MTCL1: variants seen among roughly 807,000 people sequenced by gnomAD.
MTCL1 encodes microtubule cross-linking factor 1.
A neutral mutation model predicts 141.4 loss-of-function variants in MTCL1; 79 were observed. The observed-to-expected ratio is 0.56, with a 90% CI of 0.47 to 0.67. The LOEUF (loss-of-function observed/expected upper bound fraction) is 0.67. Ranked by LOEUF, MTCL1 falls within the 30% of genes least tolerant of loss-of-function variation. The pLI is 0.00. For synonymous variants in MTCL1, 914 were observed against 875.8 expected, an observed-to-expected ratio of 1.04 and a Z score of -0.77; for missense variants, 2,177 against 2,113.9, an observed-to-expected ratio of 1.03 and a Z score of -0.59.
exon 6 of MTCL1, chr18:8,784,723 G>T (rs748440153): frequency 1.2e-4 from 194 of 1,614,086 alleles, no homozygotes; most frequent in Non-Finnish European, 1.6e-4. Flanking sequence ...ACCGCATTGG[G>T]GATGGCCTAT....
intron 1 of MTCL1, among the ~76,000 whole-genome samples, chr18:8,709,558 G>C (rs2096075609): frequency 6.6e-6 from 1 of 152,148 alleles, no homozygotes; most frequent in African/African-American, 2.4e-5. Context: ...AGGGAGCACT[G>C]CACAGAACTA....
At chr18:8,796,563 T>C in intron 9 of MTCL1, 101 bp downstream of exon 8, 1 of 1,166,700 alleles carries the variant, frequency 8.6e-7, no homozygotes, top group South Asian at 1.5e-5. Flanking sequence ...TGTTCTATTA[T>C]TTTATTTCTC....
chr18:8,832,637 C>T (rs535861339), exon 17 of MTCL1: 1 of 152,296 alleles, frequency 6.6e-6, no homozygotes, highest in South Asian at 2.1e-4. Flanking sequence ...GATTAACTGG[C>T]AATGTACAGA....
At chr18:8,772,068 G>A (rs1227786803) in intron 4 of MTCL1, among the ~76,000 whole-genome samples, 1 of 152,242 alleles carries the variant, frequency 6.6e-6, no homozygotes, top group Non-Finnish European at 1.5e-5. Flanking sequence ...ACGAGACCCT[G>A]GCAGGTGGCC....
In MTCL1 at chr18:8,723,693, C is replaced by G. The variant is rs78030143; in HGVS notation, c.357+3197C>G. Among the ~76,000 whole-genome samples, 494 of 152,310 alleles carry G rather than the reference C, an allele frequency of 3.2e-3. 5 individuals carry two copies. Among genetic ancestry groups the G allele is most frequent in the African/African-American group, 0.011 (467 of 41,568 alleles). ...CGCCCCTTGCCCCACCCTGCACCTT[C>G]TCTGTCTCCTATTTGTGAAACGGTC... On this transcript the variant is annotated intron_variant, in intron 4 of 16. Transcript: ENST00000359865.
chr18:8,759,489 G>A (rs1012570269), intron 4 of MTCL1, among the ~76,000 whole-genome samples: 4 of 152,130 alleles, frequency 2.6e-5, no homozygotes, highest in East Asian at 3.9e-4. Flanking sequence ...ATCCTTTCCC[G>A]CTGTGCTTAG....
exon 7 of MTCL1, chr18:8,785,986 C>A (rs754073208): frequency 6.2e-7 from 1 of 1,605,614 alleles, no homozygotes; most frequent in Admixed American, 1.7e-5. Flanking sequence ...CCCGAGGGGA[C>A]GAGCGGGAGA....
At chr18:8,766,115 TA>T (rs1406438309) in intron 4 of MTCL1, among the ~76,000 whole-genome samples, 38 of 151,694 alleles carry the variant, frequency 2.5e-4, no homozygotes, top group Non-Finnish European at 4.4e-4. Flanking sequence ...AAGCTGGTCA[TA>T]GATTGGTGTC....
intron 4 of MTCL1, among the ~76,000 whole-genome samples, chr18:8,737,674 C>G (rs1162702889): frequency 2.0e-5 from 3 of 152,226 alleles, no homozygotes; most frequent in Admixed American, 6.5e-5. Flanking sequence ...ATAAACGATG[C>G]AGGCTAAGGA....
rs2077111739 is a variant in MTCL1 at position 8,828,958 on chromosome 18, T to C, written c.*12T>C. The C allele has an allele frequency of 1.9e-6, 3 of 1,614,134 alleles. No individual in the cohort carries two copies. The highest frequency in any genetic ancestry group is 1.1e-5 in the South Asian group (1 of 91,090). ...CCTGGGGACTCTAGCCCTGCCCGCC[T>C]CACGCTGTAAGTGCTTCCTTCCTTG... On this transcript the variant is annotated 3_prime_UTR_variant, in exon 16 of 17. Transcript: ENST00000359865. The surrounding 1 kb of genome is among the most constrained non-coding windows in gnomAD (Gnocchi z 5.2).
intron 10 of MTCL1, among the ~76,000 whole-genome samples, chr18:8,799,255 C>T (rs1035725141): frequency 6.6e-6 from 1 of 152,256 alleles, no homozygotes; most frequent in African/African-American, 2.4e-5. Flanking sequence ...TGGGAGCACG[C>T]TGTCGCCAGA....
In MTCL1 at chr18:8,784,925, C is replaced by G. The variant is rs528979609; in HGVS notation, c.1731+82C>G. ...TGGCATTGCTGCACTCGGGCTCACG[C>G]TGCTCACGGCTGCTTGGTTATGATT... On this transcript the variant is annotated intron_variant, in intron 6 of 16. Transcript: ENST00000359865. 3.3e-6 allele frequency: 4 copies of G among 1,218,100 alleles called. No individual in the cohort carries two copies. The East Asian group carries it at 7.4e-5, about 22-fold the overall frequency. 75.5% of individuals were successfully genotyped at this position (1,218,100 alleles called of 1,614,324 possible).
chr18:8,798,049 C>A, intron 9 of MTCL1, 48 bp from the exon 9 acceptor site: 1 of 1,534,798 alleles, frequency 6.5e-7, no homozygotes. Flanking sequence ...GGCTGTACAG[C>A]AAAAGAATTT....
chr18:8,807,347 G>A (rs1257360527), intron 11 of MTCL1, among the ~76,000 whole-genome samples: 3 of 152,224 alleles, frequency 2.0e-5, no homozygotes, highest in Admixed American at 2.0e-4. Flanking sequence ...TCAGAGGACG[G>A]CCAGGCTGAA....
intron 1 of MTCL1, among the ~76,000 whole-genome samples, chr18:8,710,621 T>C (rs1019405893): frequency 1.8e-4 from 28 of 151,636 alleles, no homozygotes; most frequent in Non-Finnish European, 3.2e-4. Context: ...TTTTTTTTTT[T>C]CACAAAAGTT....
chr18:8,780,130 A>C (rs77925056), intron 5 of MTCL1, among the ~76,000 whole-genome samples: 1 of 152,034 alleles, frequency 6.6e-6, no homozygotes, highest in Non-Finnish European at 1.5e-5. Flanking sequence ...TTTCACTTCA[A>C]CTTGTTGGGG....
At chr18:8,808,341 C>T (rs952976994) in intron 11 of MTCL1, among the ~76,000 whole-genome samples, 3 of 152,254 alleles carry the variant, frequency 2.0e-5, no homozygotes, top group East Asian at 1.9e-4. Flanking sequence ...TTCCAAAGCC[C>T]GAACTATAGC....
At chr18:8,745,307 C>G (rs1353444401) in intron 4 of MTCL1, among the ~76,000 whole-genome samples, 2 of 152,174 alleles carry the variant, frequency 1.3e-5, no homozygotes, top group Admixed American at 1.3e-4. Flanking sequence ...CTCTCCTTTA[C>G]AGTTTGCCAA....
intron 5 of MTCL1, chr18:8,782,492 C>T (rs1310902993): frequency 1.3e-5 from 2 of 152,312 alleles, no homozygotes; most frequent in South Asian, 2.1e-4. Context: ...TGCAAAGCAG[C>T]GTTGACTTTC....
Sources: gnomAD v4.1 joint callset for allele counts (sites outside exome capture counted in the v4.1 genomes callset) on GRCh38, gnomAD v4.1.1 for gene constraint, Gnocchi (gnomAD v3.1) non-coding constraint, MANE v1.5 for transcripts, NCBI Gene and HGNC (gene_info 2026-07-23, HGNC 2026-07-21) for gene names.